The following HYDIN variants were observed in gnomAD, a reference collection of about 807,000 sequenced individuals.
HYDIN encodes axonemal central pair apparatus protein HYDIN.
HYDIN carries 132 observed loss-of-function variants against 403.9 expected under a neutral mutation model. The ratio of observed to expected loss-of-function variants is 0.33; its 90% CI spans 0.28 to 0.38. HYDIN has a LOEUF of 0.38. HYDIN is among the 10% of genes least tolerant of loss of function. The pLI, the probability that HYDIN is intolerant of heterozygous loss-of-function variation, is 1.00. For synonymous variants in HYDIN, 1,202 were observed against 1,891.7 expected, an observed-to-expected ratio of 0.64 and a Z score of 9.46; for missense variants, 2,827 against 5,009.5, an observed-to-expected ratio of 0.56 and a Z score of 13.15.
intron 36 of HYDIN, 56 bp downstream of exon 36, chr16:70,970,464 C>T: frequency 5.0e-6 from 8 of 1,591,088 alleles, no homozygotes; most frequent in Non-Finnish European, 6.9e-6. Flanking sequence ...AGGAAGAATT[C>T]AAGGGGAAAA....
intron 53 of HYDIN, among the ~76,000 whole-genome samples, chr16:70,899,505 G>C (rs2076300030): frequency 6.6e-6 from 1 of 150,690 alleles, no homozygotes; most frequent in Admixed American, 6.6e-5. Context: ...CCTTCAGAGA[G>C]AGCATGGCCC....
At chr16:70,877,588 T>G (rs2040525769) in intron 62 of HYDIN, among the ~76,000 whole-genome samples, 1 of 152,172 alleles carries the variant, frequency 6.6e-6, no homozygotes, top group African/African-American at 2.4e-5. Flanking sequence ...GGCATTAGAT[T>G]CTTATAAGGA....
At chr16:70,850,338 T>C (rs2038545694) in intron 74 of HYDIN, 110 bp downstream of exon 74, 1 of 931,878 alleles carries the variant, frequency 1.1e-6, no homozygotes, top group South Asian at 1.7e-5. Flanking sequence ...TCTGTTTTCC[T>C]GGTCTCTCTG....
rs1382424845 is a variant in HYDIN, at chr16:70,902,803, A to T, written c.8849+822T>A. Among the ~76,000 whole-genome samples the T allele has an allele frequency of 6.8e-4, 11 of 16,214 alleles. 1 individual carries two copies. Among genetic ancestry groups the T allele is most frequent in the African/African-American group, 2.5e-3 (11 of 4,328 alleles). 10.6% of individuals were successfully genotyped at this position (16,214 alleles called of 152,430 possible). ...TTCCATCTACTCTTTAAATATATAT[A>T]TATATATATATATATATATTTTTTT... On this transcript the variant is annotated intron_variant, in intron 52 of 85. Transcript: ENST00000393567.
At chr16:70,956,398 A>T (rs574397521) in intron 39 of HYDIN, among the ~76,000 whole-genome samples, 1 of 152,368 alleles carries the variant, frequency 6.6e-6, no homozygotes, top group East Asian at 1.9e-4. Flanking sequence ...TAAAAAAAGA[A>T]ATAGGTGATG....
At position 70,850,514 on chromosome 16, in the gene HYDIN, G is replaced by A; in HGVS notation, c.12585C>T (p.Cys4195=). 6.2e-7 allele frequency: 1 copy of A among 1,607,204 alleles called. No homozygotes were observed. The highest frequency in any genetic ancestry group is 1.7e-5 in the Admixed American group (1 of 59,136). ...EGYTMNVEIK[C]KDRTGSITLL... ...GAGTGATGGAGCCTGTCCTGTCCTT[G>A]CACTTGATCTCCACATTCATAGTGT... Residue 4195 remains cysteine (C), a synonymous_variant, in exon 74 of 86, where the codon TGC becomes TGT. Coordinates refer to ENST00000393567, the MANE Select transcript of HYDIN (RefSeq NM_001270974.2).
In HYDIN at chr16:70,902,794, A is replaced by AATAT. The variant is rs1264288990; in HGVS notation, c.8849+827_8849+830dup. ...TTGGGAAAGTTCCATCTACTCTTTA[A>AATAT]ATATATATATATATATATATATATA... On this transcript the variant is annotated intron_variant, in intron 52 of 85. Coordinates refer to ENST00000393567, the MANE Select transcript of HYDIN (RefSeq NM_001270974.2). Among the ~76,000 whole-genome samples the AATAT allele has an allele frequency of 6.9e-3, 416 of 60,682 alleles. 3 individuals carry two copies. The highest frequency in any genetic ancestry group is 0.011 in the South Asian group (20 of 1,784). 39.8% of individuals were successfully genotyped at this position (60,682 alleles called of 152,430 possible).
At chr16:70,915,193 T>C (rs1205733943) in intron 47 of HYDIN, among the ~76,000 whole-genome samples, 2 of 152,062 alleles carry the variant, frequency 1.3e-5, no homozygotes, top group Non-Finnish European at 2.9e-5. Context: ...TACTGTGATT[T>C]TGGGGGGCTA....
chr16:70,922,324 A>G (rs1207738068), intron 45 of HYDIN, among the ~76,000 whole-genome samples: 1 of 152,256 alleles, frequency 6.6e-6, no homozygotes, highest in African/African-American at 2.4e-5. Context: ...TGAGGGAAGG[A>G]CTTGTACTTG....
chr16:71,066,647 C>T (rs1334860544), intron 15 of HYDIN: 3 of 308,824 alleles, frequency 9.7e-6, no homozygotes, highest in South Asian at 5.6e-5. Context: ...GATGACACCA[C>T]CACCCTCATC....
intron 18 of HYDIN, among the ~76,000 whole-genome samples, chr16:71,058,919 C>A (rs1016517126): frequency 6.6e-6 from 1 of 152,112 alleles, no homozygotes; most frequent in Non-Finnish European, 1.5e-5. Context: ...TGATTACCTG[C>A]ACTTAATAAC....
chr16:71,213,858 T>C (rs1216281025), intron 1 of HYDIN, among the ~76,000 whole-genome samples: 4 of 152,072 alleles, frequency 2.6e-5, no homozygotes, highest in African/African-American at 9.7e-5. Flanking sequence ...TTGAAAAATT[T>C]TACTTGATAT....
intron 53 of HYDIN, among the ~76,000 whole-genome samples, chr16:70,897,110 G>A (rs963842836): frequency 4.0e-5 from 6 of 151,316 alleles, no homozygotes; most frequent in African/African-American, 1.5e-4. Context: ...TCTGACAAAG[G>A]ACTAATATCC....
chr16:71,027,452 G>A (rs1271478480), intron 20 of HYDIN, 150 bp downstream of exon 20: 23 of 1,520,286 alleles, frequency 1.5e-5, no homozygotes, highest in African/African-American at 2.8e-5. Flanking sequence ...CGAAAGCAAC[G>A]GATGCTACTA....
rs570271672 is a variant in HYDIN, at chr16:71,009,227, C to T, written c.3644+8902G>A. ...CTTGCAACCATGTGCATATAGGACC[C>T]GACTGAGAATGGAGGTAATATGGCA... On this transcript the variant is annotated intron_variant, in intron 23 of 85. Transcript: ENST00000393567. 6.0e-5 allele frequency among the ~76,000 whole-genome samples: 8 copies of T among 132,600 alleles called. No homozygotes were observed. In the East Asian group the frequency reaches 9.1e-4, roughly 15 times the overall value. 87.0% of individuals were successfully genotyped at this position (132,600 alleles called of 152,430 possible). A position where few individuals can be genotyped will look rare whatever the true frequency, so the allele number is the denominator to read the frequency against.
At chr16:70,876,139 G>A (rs2040435565) in intron 62 of HYDIN, among the ~76,000 whole-genome samples, 1 of 151,532 alleles carries the variant, frequency 6.6e-6, no homozygotes, top group Admixed American at 6.6e-5. Flanking sequence ...TCCGCCCAGA[G>A]CATTTGCCAG....
At chr16:71,225,260 AC>A (rs2040982198) in intron 1 of HYDIN, among the ~76,000 whole-genome samples, 1 of 152,064 alleles carries the variant, frequency 6.6e-6, no homozygotes, top group South Asian at 2.1e-4. Flanking sequence ...GCAGACTTGA[AC>A]CCAAACCTGG....
intron 67 of HYDIN, among the ~76,000 whole-genome samples, chr16:70,863,613 C>T (rs1347076245): frequency 6.6e-6 from 1 of 152,206 alleles, no homozygotes; most frequent in Admixed American, 6.5e-5. Context: ...GGGTGGCTCA[C>T]ACCTGTAATC....
intron 39 of HYDIN, among the ~76,000 whole-genome samples, chr16:70,957,604 C>T (rs1364638241): frequency 2.6e-5 from 4 of 151,526 alleles, no homozygotes; most frequent in Non-Finnish European, 4.4e-5. Flanking sequence ...GGATTACAGG[C>T]GTGAGCCACC....
Sources: gnomAD v4.1 joint callset for allele counts (sites outside exome capture counted in the v4.1 genomes callset) on GRCh38, gnomAD v4.1.1 for gene constraint, MANE v1.5 for transcripts, NCBI Gene and HGNC (gene_info 2026-07-23, HGNC 2026-07-21) for gene names.